The following PRELID2 variants were observed in gnomAD, a reference collection of about 807,000 sequenced individuals.
PRELID2 encodes PRELI domain-containing protein 2.
A neutral mutation model predicts 28.4 loss-of-function variants in PRELID2; 25 were observed. That is an observed-to-expected ratio of 0.88 (90% CI 0.64 to 1.23). The LOEUF is 1.23. PRELID2 is among the 50% of genes most tolerant of loss of function. The pLI is 0.00. For synonymous variants in PRELID2, 76 were observed against 71.6 expected, an observed-to-expected ratio of 1.06 and a Z score of -0.31; for missense variants, 201 against 214.4, an observed-to-expected ratio of 0.94 and a Z score of 0.39.
the PRELID2 span, among the ~76,000 whole-genome samples, chr5:145,288,175 G>C: frequency 6.6e-6 from 1 of 152,218 alleles, no homozygotes; most frequent in East Asian, 1.9e-4. Flanking sequence ...CTAGTCTTTG[G>C]AAGGAAGTTA....
the PRELID2 span, among the ~76,000 whole-genome samples, chr5:145,389,983 C>T: frequency 6.6e-6 from 1 of 152,322 alleles, no homozygotes; most frequent in South Asian, 2.1e-4. Flanking sequence ...TTACTGAGCA[C>T]CTACTATGTA....
At chr5:145,713,369 T>TATATATATATATATATATATATATAC (rs1334656798) in intron 1 of PRELID2, among the ~76,000 whole-genome samples, 46 of 144,632 alleles carry the variant, frequency 3.2e-4, no homozygotes, top group African/African-American at 1.1e-3. Context: ...TATATATATA[T>TATATATATATATATATATATATATAC]ACTTTACATT....
the PRELID2 span, among the ~76,000 whole-genome samples, chr5:145,347,430 G>A: frequency 6.6e-6 from 1 of 152,106 alleles, no homozygotes; most frequent in Non-Finnish European, 1.5e-5. Flanking sequence ...GCCTTTTAGA[G>A]ACCATTCTTG....
the PRELID2 span, among the ~76,000 whole-genome samples, chr5:145,428,445 G>C: frequency 2.0e-5 from 3 of 152,068 alleles, no homozygotes; most frequent in East Asian, 1.9e-4. Flanking sequence ...AACTGTTCCT[G>C]CCTGCCTGAA....
chr5:145,715,714 G>A (rs2149713491), intron 1 of PRELID2, among the ~76,000 whole-genome samples: 1 of 152,234 alleles, frequency 6.6e-6, no homozygotes, highest in Non-Finnish European at 1.5e-5. Context: ...TAAAGCCTTT[G>A]CGTGTGCTAG....
intron 1 of PRELID2, among the ~76,000 whole-genome samples, chr5:145,724,628 T>A (rs189271065): frequency 0.24 from 27,947 of 118,308 alleles, 5,850 homozygotes; most frequent in African/African-American, 0.33. Flanking sequence ...TATATATATA[T>A]ATATATATAT....
At chr5:145,416,594 A>C in the PRELID2 span, among the ~76,000 whole-genome samples, 624 of 152,270 alleles carry the variant, frequency 4.1e-3, 5 homozygotes, top group African/African-American at 0.014. Context: ...AGTTCTTTGA[A>C]ACTAATGAGA....
At chr5:145,617,924 G>T (rs1040297530) in intron 1 of PRELID2, among the ~76,000 whole-genome samples, 2 of 151,722 alleles carry the variant, frequency 1.3e-5, no homozygotes, top group African/African-American at 2.4e-5. Context: ...GTAGAGATGG[G>T]GTTTCACTAT....
chr5:145,743,251 A>G (rs1756886639), intron 1 of PRELID2, among the ~76,000 whole-genome samples: 2 of 151,784 alleles, frequency 1.3e-5, no homozygotes, highest in Non-Finnish European at 2.9e-5. Flanking sequence ...TCTAACAAAA[A>G]TACAAAAAAT....
At chr5:145,262,552 C>T in the PRELID2 span, among the ~76,000 whole-genome samples, 1 of 152,022 alleles carries the variant, frequency 6.6e-6, no homozygotes, top group Non-Finnish European at 1.5e-5. Flanking sequence ...TTAAATAAAA[C>T]AACTATCAGC....
chr5:145,245,409 GAGAA>G, the PRELID2 span, among the ~76,000 whole-genome samples: 3 of 150,502 alleles, frequency 2.0e-5, no homozygotes, highest in Middle Eastern at 6.9e-3. Flanking sequence ...AGAAAAGAAA[GAGAA>G]AGAGAGAGAG....
intron 1 of PRELID2, among the ~76,000 whole-genome samples, chr5:145,532,677 A>AT (rs1244006338): frequency 6.6e-6 from 1 of 151,928 alleles, no homozygotes; most frequent in Non-Finnish European, 1.5e-5. Context: ...ACAAGTTTGA[A>AT]TTTTTTTAGA....
the PRELID2 span, among the ~76,000 whole-genome samples, chr5:145,424,630 C>T: frequency 6.6e-6 from 1 of 152,060 alleles, no homozygotes; most frequent in South Asian, 2.1e-4. Context: ...ACCGGCACTC[C>T]CTAGTGAGAT....
downstream of PRELID2, among the ~76,000 whole-genome samples, chr5:145,756,116 A>T (rs1757249285): frequency 6.6e-6 from 1 of 152,150 alleles, no homozygotes; most frequent in Non-Finnish European, 1.5e-5. Context: ...CCTTCGTTCC[A>T]TTAGCACCTG....
At chr5:145,783,405 T>C (rs577101128) in intron 5 of PRELID2, among the ~76,000 whole-genome samples, 1 of 152,314 alleles carries the variant, frequency 6.6e-6, no homozygotes, top group African/African-American at 2.4e-5. Flanking sequence ...AAAGCTATGT[T>C]TCATCAGACG....
At chr5:145,245,600 CA>C in the PRELID2 span, among the ~76,000 whole-genome samples, 1 of 152,044 alleles carries the variant, frequency 6.6e-6, no homozygotes, top group Non-Finnish European at 1.5e-5. Context: ...ATGACAAGGT[CA>C]GGGGTCCTGA....
At chr5:145,661,369 G>A (rs62392296) in intron 1 of PRELID2, among the ~76,000 whole-genome samples, 1,713 of 152,088 alleles carry the variant, frequency 0.011, 16 homozygotes, top group Non-Finnish European at 0.016. Context: ...AACTCTGTGC[G>A]GCATTGCATG....
the PRELID2 span, among the ~76,000 whole-genome samples, chr5:145,363,207 C>A: frequency 6.6e-6 from 1 of 151,416 alleles, no homozygotes; most frequent in Admixed American, 6.6e-5. Flanking sequence ...TGTTACCTAG[C>A]GAACATTGAT....
chr5:145,561,957 G>C (rs1044169083), intron 1 of PRELID2, among the ~76,000 whole-genome samples: 1 of 151,294 alleles, frequency 6.6e-6, no homozygotes, highest in Non-Finnish European at 1.5e-5. Context: ...AATGGGTATA[G>C]GTTTTCTTTT....
Sources: allele counts gnomAD v4.1 joint callset (sites outside exome capture counted in the v4.1 genomes callset), GRCh38; gene constraint gnomAD v4.1.1; transcripts MANE v1.5; gene names NCBI Gene and HGNC (gene_info 2026-07-23, HGNC 2026-07-21).